Variants in NRG3 observed in about 807,000 individuals in gnomAD.
NRG3 encodes pro-neuregulin-3, membrane-bound isoform.
A neutral mutation model predicts 66.9 loss-of-function variants in NRG3; 31 were observed. That is an observed-to-expected ratio of 0.46 (90% CI 0.35 to 0.63). The LOEUF (loss-of-function observed/expected upper bound fraction) is 0.63. Among genes scored for constraint, NRG3 ranks in the 20% least tolerant of loss-of-function variants. The probability of loss-of-function intolerance (pLI) is 0.00; values close to 1 mark genes in which losing one functional copy is unlikely to be tolerated. For synonymous variants in NRG3, 393 were observed against 359.4 expected (o/e 1.09, Z -1.06); for missense variants, 910 against 878.9 (o/e 1.04, Z -0.45).
chr10:82,445,392 G>A (rs2090663785), intron 2 of NRG3, among the ~76,000 whole-genome samples: 1 of 152,112 alleles, frequency 6.6e-6, no homozygotes, highest in East Asian at 1.9e-4. Flanking sequence ...TCCTGTGCTG[G>A]ACAAATAGGA....
At chr10:81,918,994 C>CACACACACAT (rs1403584433) in intron 1 of NRG3, among the ~76,000 whole-genome samples, 1 of 150,946 alleles carries the variant, frequency 6.6e-6, no homozygotes. Flanking sequence ...CACACACACA[C>CACACACACAT]ATACATACAC....
At position 82,130,806 on chromosome 10, in the gene NRG3, T is replaced by C. The variant is rs2068768314; in HGVS notation, c.824-227933T>C. ...CTGGTGATCAGTGTTGTTAAGCACC[T>C]TTTCATCTGCCTGTTTGCCATTCGT... On this transcript the variant is annotated intron_variant, in intron 1 of 8. Coordinates refer to ENST00000372141, the MANE Select transcript of NRG3 (RefSeq NM_001010848.4). Among the ~76,000 whole-genome samples the C allele has an allele frequency of 1.3e-5, 2 of 152,212 alleles. 1 individual carries two copies. Among genetic ancestry groups the C allele is most frequent in the South Asian group, 4.1e-4 (2 of 4,834 alleles).
At chr10:82,479,320 A>G (rs751266846) in intron 2 of NRG3, among the ~76,000 whole-genome samples, 4 of 152,144 alleles carry the variant, frequency 2.6e-5, no homozygotes, top group Non-Finnish European at 5.9e-5. Context: ...AACTATATGT[A>G]TACACACAGA....
intron 1 of NRG3, among the ~76,000 whole-genome samples, chr10:82,353,829 G>A (rs1025300603): frequency 4.3e-4 from 65 of 151,786 alleles, no homozygotes; most frequent in Non-Finnish European, 1.5e-4. Context: ...TCTTTTTTTG[G>A]AAAATCCTTT....
intron 7 of NRG3, among the ~76,000 whole-genome samples, chr10:82,978,176 A>T (rs2132637860): frequency 6.6e-6 from 1 of 152,260 alleles, no homozygotes; most frequent in African/African-American, 2.4e-5. Context: ...GGAACAGGTA[A>T]TGAGTCTCAT....
chr10:82,495,226 C>T (rs1451624062), intron 2 of NRG3, among the ~76,000 whole-genome samples: 2 of 152,094 alleles, frequency 1.3e-5, no homozygotes, highest in African/African-American at 4.8e-5. Context: ...TGAGCCACTG[C>T]GCCAGGCCGA....
chr10:82,565,506 A>C (rs1158219876), intron 2 of NRG3, among the ~76,000 whole-genome samples: 1 of 152,050 alleles, frequency 6.6e-6, no homozygotes, highest in Non-Finnish European at 1.5e-5. Context: ...ATCCCCACCA[A>C]ACACACACAG....
chr10:82,326,083 T>C (rs757114070), intron 1 of NRG3, among the ~76,000 whole-genome samples: 29 of 152,208 alleles, frequency 1.9e-4, no homozygotes, highest in Non-Finnish European at 4.1e-4. Context: ...CTGTTACTGC[T>C]GGATTTTCTC....
intron 2 of NRG3, among the ~76,000 whole-genome samples, chr10:82,393,377 C>T (rs1199984828): frequency 6.6e-6 from 1 of 152,070 alleles, no homozygotes; most frequent in Non-Finnish European, 1.5e-5. Context: ...CAGGAAGGAG[C>T]CCTGTGGGAA....
At chr10:82,418,129 G>A (rs2088717654) in intron 2 of NRG3, among the ~76,000 whole-genome samples, 1 of 152,172 alleles carries the variant, frequency 6.6e-6, no homozygotes, top group African/African-American at 2.4e-5. Flanking sequence ...AACTATTTGA[G>A]GGAAATAACT....
chr10:82,751,711 AC>A (rs1357842786), intron 3 of NRG3, among the ~76,000 whole-genome samples: 1 of 152,164 alleles, frequency 6.6e-6, no homozygotes, highest in African/African-American at 2.4e-5. Context: ...AGAAAAGGAA[AC>A]CCTAGATGAA....
chr10:82,923,676 C>A (rs747260756), intron 4 of NRG3, among the ~76,000 whole-genome samples: 21 of 152,160 alleles, frequency 1.4e-4, no homozygotes, highest in Admixed American at 1.3e-3. Flanking sequence ...ATAACCAGAA[C>A]ATCAGGCAAT....
chr10:82,531,714 C>T (rs1443849731), intron 2 of NRG3, among the ~76,000 whole-genome samples: 1 of 151,838 alleles, frequency 6.6e-6, no homozygotes, highest in Non-Finnish European at 1.5e-5. Flanking sequence ...GTACTCTCAA[C>T]AAATAATAGG....
intron 1 of NRG3, among the ~76,000 whole-genome samples, chr10:82,146,849 G>A (rs2070303782): frequency 6.6e-6 from 1 of 152,162 alleles, no homozygotes; most frequent in South Asian, 2.1e-4. Flanking sequence ...AGGGAGGGTT[G>A]ACCAAGAGAG....
intron 1 of NRG3, among the ~76,000 whole-genome samples, chr10:82,058,274 G>T (rs2063955320): frequency 1.3e-5 from 2 of 151,724 alleles, no homozygotes; most frequent in African/African-American, 4.8e-5. Flanking sequence ...TTTTAACTTT[G>T]ATAAAAGTGC....
chr10:82,211,372 G>A (rs2075384770), intron 1 of NRG3, among the ~76,000 whole-genome samples: 1 of 152,072 alleles, frequency 6.6e-6, no homozygotes, highest in African/African-American at 2.4e-5. Context: ...AGAAACTTCT[G>A]GGCAGGAAAA....
chr10:82,940,482 C>G (rs1053082594), intron 4 of NRG3, among the ~76,000 whole-genome samples: 6 of 152,138 alleles, frequency 3.9e-5, no homozygotes, highest in African/African-American at 1.4e-4. Context: ...TTACTAAGGA[C>G]ACAGTAATAT....
chr10:81,954,097 A>G (rs1849609895), intron 1 of NRG3, among the ~76,000 whole-genome samples: 1 of 152,134 alleles, frequency 6.6e-6, no homozygotes, highest in African/African-American at 2.4e-5. Context: ...GGGTATTTCT[A>G]TATATTTAAA....
chr10:82,401,653 G>A (rs986541261), intron 2 of NRG3, among the ~76,000 whole-genome samples: 1 of 151,986 alleles, frequency 6.6e-6, no homozygotes, highest in Non-Finnish European at 1.5e-5. Flanking sequence ...AATAATAGGG[G>A]CTATGGAATT....
Sources: allele counts gnomAD v4.1 joint callset (sites outside exome capture counted in the v4.1 genomes callset), GRCh38; gene constraint gnomAD v4.1.1; transcripts MANE v1.5; gene names NCBI Gene and HGNC (gene_info 2026-07-23, HGNC 2026-07-21).